PEBP4: variants seen among roughly 807,000 people sequenced by gnomAD.
PEBP4 encodes phosphatidylethanolamine-binding protein 4.
Under a neutral mutation model 23.9 loss-of-function variants are expected in PEBP4, and 22 were observed. That is an observed-to-expected ratio of 0.92 (90% CI 0.66 to 1.31). PEBP4 has a LOEUF of 1.31. Among genes scored for constraint, PEBP4 ranks in the 40% most tolerant of loss-of-function variants. The pLI, the probability that PEBP4 is intolerant of heterozygous loss-of-function variation, is 0.00. For synonymous variants in PEBP4, 112 were observed against 99.3 expected, an observed-to-expected ratio of 1.13 and a Z score of -0.76; for missense variants, 324 against 281.7, an observed-to-expected ratio of 1.15 and a Z score of -1.07.
intron 4 of PEBP4, among the ~76,000 whole-genome samples, chr8:22,753,111 G>A (rs552852868): frequency 2.0e-5 from 3 of 152,324 alleles, no homozygotes; most frequent in African/African-American, 7.2e-5. Context: ...CACATTGATC[G>A]AGTGCCTACC....
chr8:22,735,970 T>C (rs558686767), intron 4 of PEBP4, among the ~76,000 whole-genome samples: 6 of 152,334 alleles, frequency 3.9e-5, no homozygotes, highest in Non-Finnish European at 7.3e-5. Context: ...ATAGAGACAA[T>C]TGCCCTGAGA....
chr8:22,739,197 G>C (rs887324011), intron 4 of PEBP4, among the ~76,000 whole-genome samples: 2 of 152,124 alleles, frequency 1.3e-5, no homozygotes, highest in African/African-American at 4.8e-5. Context: ...CCAAGAGGCA[G>C]GGTGGGATGG....
chr8:22,733,032 C>T (rs944335982), intron 4 of PEBP4, among the ~76,000 whole-genome samples: 4 of 152,194 alleles, frequency 2.6e-5, no homozygotes, highest in Non-Finnish European at 5.9e-5. Flanking sequence ...TGCTGGAAGC[C>T]AGGGGTCTAT....
chr8:22,786,645 T>C (rs891427643), intron 4 of PEBP4, among the ~76,000 whole-genome samples: 4 of 152,120 alleles, frequency 2.6e-5, no homozygotes, highest in African/African-American at 9.7e-5. Flanking sequence ...GGGCAGCAGC[T>C]TGGGGGAGCA....
At chr8:22,809,138 T>C (rs1424872350) in intron 4 of PEBP4, among the ~76,000 whole-genome samples, 2 of 152,190 alleles carry the variant, frequency 1.3e-5, no homozygotes, top group Non-Finnish European at 2.9e-5. Flanking sequence ...AGCATATACA[T>C]AGCAACTACT....
chr8:22,827,098 G>A (rs1353465394), intron 3 of PEBP4, among the ~76,000 whole-genome samples: 1 of 152,122 alleles, frequency 6.6e-6, no homozygotes, highest in African/African-American at 2.4e-5. Context: ...AAGACCCTGG[G>A]TGCTATGGAG....
At chr8:22,851,218 C>T (rs1807542268) in intron 3 of PEBP4, among the ~76,000 whole-genome samples, 1 of 152,144 alleles carries the variant, frequency 6.6e-6, no homozygotes, top group Non-Finnish European at 1.5e-5. Context: ...CAGGACTCCA[C>T]GGAGACTCCT....
chr8:22,844,540 G>A (rs975062704), intron 3 of PEBP4, among the ~76,000 whole-genome samples: 5 of 152,166 alleles, frequency 3.3e-5, no homozygotes, highest in Non-Finnish European at 7.4e-5. Context: ...ACCATGCCCA[G>A]CCGAAAATTT....
chr8:22,927,466 C>T, intron 2 of PEBP4, 118 bp downstream of exon 2: 5 of 1,285,536 alleles, frequency 3.9e-6, no homozygotes, highest in Non-Finnish European at 4.2e-6. Context: ...ACGTGTTCTG[C>T]CTTCCCATAA....
chr8:22,794,426 T>C (rs1430340471), intron 4 of PEBP4, among the ~76,000 whole-genome samples: 3 of 152,136 alleles, frequency 2.0e-5, no homozygotes, highest in East Asian at 1.9e-4. Flanking sequence ...GCTGGGACTA[T>C]AGGCGGAGGC....
At chr8:22,737,847 T>C (rs1206901565) in intron 4 of PEBP4, among the ~76,000 whole-genome samples, 2 of 152,090 alleles carry the variant, frequency 1.3e-5, no homozygotes, top group Non-Finnish European at 2.9e-5. Context: ...AATTAGGAAA[T>C]GGAATATTCT....
intron 4 of PEBP4, among the ~76,000 whole-genome samples, chr8:22,743,154 T>C (rs1048629676): frequency 6.6e-6 from 1 of 152,120 alleles, no homozygotes; most frequent in Non-Finnish European, 1.5e-5. Flanking sequence ...CAGTGCTTCC[T>C]TGGGCTACCT....
chr8:22,741,898 C>A (rs925589197), intron 4 of PEBP4, among the ~76,000 whole-genome samples: 2 of 152,124 alleles, frequency 1.3e-5, no homozygotes, highest in Admixed American at 1.3e-4. Flanking sequence ...GGTGACAGTG[C>A]GCAGGGACAC....
chr8:22,787,075 G>A (rs907296238), intron 4 of PEBP4, among the ~76,000 whole-genome samples: 1 of 152,132 alleles, frequency 6.6e-6, no homozygotes, highest in African/African-American at 2.4e-5. Context: ...TTCCTGCCTC[G>A]GCTTCCCAAG....
chr8:22,804,108 T>C (rs1455301176), intron 4 of PEBP4, among the ~76,000 whole-genome samples: 1 of 152,138 alleles, frequency 6.6e-6, no homozygotes, highest in Non-Finnish European at 1.5e-5. Flanking sequence ...GGTGGGAGGA[T>C]TGCTTGAGGC....
At chr8:22,927,745 G>A (rs577911332) in intron 1 of PEBP4, 25 bp from the exon 2 acceptor site, 72 of 1,612,360 alleles carry the variant, frequency 4.5e-5, no homozygotes, top group Admixed American at 3.0e-4. Flanking sequence ...ACTTTAGAGC[G>A]GCTGGATCCC....
intron 3 of PEBP4, among the ~76,000 whole-genome samples, chr8:22,877,127 C>G (rs141018727): frequency 6.6e-6 from 1 of 152,194 alleles, no homozygotes; most frequent in Non-Finnish European, 1.5e-5. Flanking sequence ...TTTCTTTCCT[C>G]CTCAAACCAG....
intron 3 of PEBP4, 152 bp from the exon 4 acceptor site, chr8:22,817,887 C>G: frequency 1.5e-6 from 1 of 671,024 alleles, no homozygotes; most frequent in South Asian, 1.8e-5. Context: ...CGTGACATCC[C>G]TCTCACATCA....
At chr8:22,893,544 T>G (rs1228877540) in intron 3 of PEBP4, among the ~76,000 whole-genome samples, 2 of 152,186 alleles carry the variant, frequency 1.3e-5, no homozygotes, top group Non-Finnish European at 2.9e-5. Context: ...TATAACTATA[T>G]TCCATGTGTT....
Sources: gnomAD v4.1 joint callset for allele counts (sites outside exome capture counted in the v4.1 genomes callset) on GRCh38, gnomAD v4.1.1 for gene constraint, MANE v1.5 for transcripts, NCBI Gene and HGNC (gene_info 2026-07-23, HGNC 2026-07-21) for gene names.